Variants in DCP2 observed in about 807,000 individuals in gnomAD.
DCP2 encodes the protein decapping mRNA 2, also known as m7GpppN-mRNA hydrolase.
A neutral mutation model predicts 56.1 loss-of-function variants in DCP2; 30 were observed. The ratio of observed to expected loss-of-function variants is 0.53; its 90% CI spans 0.40 to 0.73. DCP2 has a LOEUF of 0.73. Among genes scored for constraint, DCP2 ranks in the 30% least tolerant of loss-of-function variants. DCP2 has a pLI of 0.00. For missense variants in DCP2, 533 were observed against 502.7 expected, an observed-to-expected ratio of 1.06 and a Z score of -0.58; for synonymous variants, 197 against 163.3, an observed-to-expected ratio of 1.21 and a Z score of -1.57.
intron 2 of DCP2, among the ~76,000 whole-genome samples, chr5:112,989,804 A>G (rs115109985): frequency 6.6e-6 from 1 of 152,208 alleles, no homozygotes; most frequent in South Asian, 2.1e-4. Flanking sequence ...GGGGAAGGCA[A>G]GATTGGATTC....
Position 113,003,894 on chromosome 5 carries a change from T to TA in DCP2, c.807-47dup, listed in dbSNP as rs758286374. 7 of 1,603,648 alleles carry TA rather than the reference T, an allele frequency of 4.4e-6. No individual in the cohort carries two copies. In the Admixed American group the frequency reaches 1.2e-4, roughly 27 times the overall value. ...TTAACTATTAAGGTGTTAAAAGAAC[T>TA]ATAAGTGAACATTTTCTGATTTGAT... On this transcript the variant is annotated intron_variant, in intron 7 of 10. Transcript: ENST00000389063.
rs1370709776 is a variant in DCP2, at chr5:113,015,864, T to C, written c.*2380T>C. ...ACTGGATTTCTCCTTTGAGAAATTTTAGTATGGTTTGAGGAAATCAAGTGA... is the reference window on the plus strand; with the variant it reads ...ACTGGATTTCTCCTTTGAGAAATTTCAGTATGGTTTGAGGAAATCAAGTGA... On this transcript the variant is annotated 3_prime_UTR_variant, in exon 11 of 11. Coordinates refer to ENST00000389063, the MANE Select transcript of DCP2 (RefSeq NM_152624.6). 6.6e-6 allele frequency: 1 copy of C among 152,666 alleles called. No homozygotes were observed. Among genetic ancestry groups the C allele is most frequent in the Non-Finnish European group, 1.5e-5 (1 of 68,030 alleles). 9.5% of individuals were successfully genotyped at this position (152,666 alleles called of 1,614,324 possible). A position where few individuals can be genotyped will look rare whatever the true frequency, so the allele number is the denominator to read the frequency against.
intron 2 of DCP2, among the ~76,000 whole-genome samples, chr5:112,991,868 A>C (rs1353318646): frequency 6.6e-6 from 1 of 152,198 alleles, no homozygotes; most frequent in Non-Finnish European, 1.5e-5. Context: ...TAGGCTACAA[A>C]TGAAAAAGTT....
Position 113,013,847 on chromosome 5 carries a change from G to A in DCP2, c.*363G>A. The stretch of plus-strand genomic sequence containing the variant: ...GCTCCATCTACCTGTTACAGTGATT[G>A]CAATAATAGTATATTGGAGTTTTTC... On this transcript the variant is annotated 3_prime_UTR_variant, in exon 11 of 11. Transcript: ENST00000389063. 1.2e-5 allele frequency: 2 copies of A among 169,834 alleles called. No individual in the cohort carries two copies. Among genetic ancestry groups the A allele is most frequent in the Non-Finnish European group, 2.5e-5 (2 of 79,662 alleles). 10.5% of individuals were successfully genotyped at this position (169,834 alleles called of 1,614,324 possible).
intron 1 of DCP2, among the ~76,000 whole-genome samples, chr5:112,981,501 ATT>A (rs973598734): frequency 6.6e-6 from 1 of 152,072 alleles, no homozygotes; most frequent in Non-Finnish European, 1.5e-5. Context: ...CGTCTGTTAT[ATT>A]TTGTGCTATT....
intron 10 of DCP2, among the ~76,000 whole-genome samples, chr5:113,011,763 TA>T (rs1219932630): frequency 6.6e-6 from 1 of 152,212 alleles, no homozygotes; most frequent in Non-Finnish European, 1.5e-5. Context: ...TTTGCGGTCA[TA>T]TCCAAAAAAA....
chr5:113,011,783 T>C (rs1749689585), intron 10 of DCP2, among the ~76,000 whole-genome samples: 1 of 152,216 alleles, frequency 6.6e-6, no homozygotes, highest in Non-Finnish European at 1.5e-5. Context: ...AAAGTCATTG[T>C]GAAGATGGGC....
rs1749964391 is a variant in DCP2, at chr5:113,018,111, C to T, written c.*4627C>T. 1 of 152,192 alleles carries T rather than the reference C, an allele frequency of 6.6e-6. No homozygotes were observed. The highest frequency in any genetic ancestry group is 1.5e-5 in the Non-Finnish European group (1 of 68,042). 9.4% of individuals were successfully genotyped at this position (152,192 alleles called of 1,614,324 possible). A position where few individuals can be genotyped will look rare whatever the true frequency, so the allele number is the denominator to read the frequency against. ...ACATCACAGTGGTTATACATTTGTC[C>T]TGAATGGTGATTCATTCCTTTCCAT... is the stretch of plus-strand genomic sequence containing the variant. On this transcript the variant is annotated 3_prime_UTR_variant, in exon 11 of 11. Transcript: ENST00000389063.
In DCP2 at chr5:113,019,142, G is replaced by A. The variant is rs1750007089; in HGVS notation, c.*5658G>A. 1 of 152,180 alleles carries A rather than the reference G, an allele frequency of 6.6e-6. No individual in the cohort carries two copies. The highest frequency in any genetic ancestry group is 1.5e-5 in the Non-Finnish European group (1 of 68,032). The allele number at this position is 152,180 out of a possible 1,614,324, so 9.4% of individuals were successfully genotyped here. A position where few individuals can be genotyped will look rare whatever the true frequency, so the allele number is the denominator to read the frequency against. The stretch of plus-strand genomic sequence containing the variant: ...TCATTGAATCTGAGGTTCTAAATCT[G>A]TAGCTTCATTTTGAGCACAAGTCTG... On this transcript the variant is annotated 3_prime_UTR_variant, in exon 11 of 11. Transcript: ENST00000389063.
At chr5:113,003,372 A>T (rs1749270125) in intron 7 of DCP2, among the ~76,000 whole-genome samples, 1 of 152,260 alleles carries the variant, frequency 6.6e-6, no homozygotes, top group Admixed American at 6.5e-5. Context: ...TTACTTTCTC[A>T]GATCATCTTT....
chr5:113,005,865 G>T (rs891617319), intron 8 of DCP2, among the ~76,000 whole-genome samples: 11 of 152,178 alleles, frequency 7.2e-5, no homozygotes, highest in African/African-American at 2.7e-4. Flanking sequence ...AGGCATGGGG[G>T]CTCATACCTG....
At position 113,008,058 on chromosome 5, in the gene DCP2, GTCACAC is replaced by G; in HGVS notation, c.1047+18_1047+23del. ...TTCTTTGATGGTAAGAGTTATAGCT[GTCACAC>G]TAAGTAGGCAGTTCATCCTCTGAAG... is the stretch of plus-strand genomic sequence containing the variant. On this transcript the variant is annotated intron_variant, in intron 9 of 10. Coordinates refer to ENST00000389063, the MANE Select transcript of DCP2 (RefSeq NM_152624.6). The G allele has an allele frequency of 6.3e-7, 1 of 1,596,758 alleles. No homozygotes were observed. The highest frequency in any genetic ancestry group is 8.6e-7 in the Non-Finnish European group (1 of 1,165,388).
At position 112,996,436 on chromosome 5, in the gene DCP2, C is replaced by A. The variant is rs953941579; in HGVS notation, c.432+3666C>A. ...TTTTTTCTTGCATTTAAGTTACATA[C>A]ATTTAAGTTCTACCATGGGTGCTTA... On this transcript the variant is annotated intron_variant, in intron 4 of 10. Transcript: ENST00000389063. Among the ~76,000 whole-genome samples the A allele has an allele frequency of 8.5e-5, 13 of 152,110 alleles. 1 individual carries two copies. Among genetic ancestry groups the A allele is most frequent in the African/African-American group, 3.1e-4 (13 of 41,414 alleles).
At chr5:112,997,545 T>C (rs1748918496) in intron 4 of DCP2, among the ~76,000 whole-genome samples, 1 of 152,166 alleles carries the variant, frequency 6.6e-6, no homozygotes, top group Non-Finnish European at 1.5e-5. Flanking sequence ...AGGATGAAGA[T>C]TATAGACAGG....
intron 1 of DCP2, chr5:112,984,524 C>T (rs965324700): frequency 2.6e-5 from 4 of 151,588 alleles, no homozygotes; most frequent in South Asian, 4.2e-4. Context: ...CTTCCAGATA[C>T]GTAAATTTAC....
rs1230668914 is a variant in DCP2 at position 113,015,799 on chromosome 5, T to C, written c.*2315T>C. On this transcript the variant is annotated 3_prime_UTR_variant, in exon 11 of 11. Transcript: ENST00000389063. ...TCTCTCAAACCTGGGTAATAGTTTCTCAGTGTTCAGGTTACCTTGAGAAAG... is the reference window on the plus strand; with the variant it reads ...TCTCTCAAACCTGGGTAATAGTTTCCCAGTGTTCAGGTTACCTTGAGAAAG... 2 of 152,684 alleles carry C rather than the reference T, an allele frequency of 1.3e-5. No homozygotes were observed. Among genetic ancestry groups the C allele is most frequent in the African/African-American group, 4.8e-5 (2 of 41,474 alleles). 9.5% of individuals were successfully genotyped at this position (152,684 alleles called of 1,614,324 possible).
chr5:113,001,116 C>G lies in DCP2; in HGVS notation c.465C>G (p.Asp155Glu), dbSNP rs1318819414. The change falls in exon 5 of 11, where the codon GAC (aspartate) becomes GAG (glutamate). Residue 155 changes from aspartate (D) to glutamate (E), a missense_variant. Transcript: ENST00000389063. ...AAGAAACTGGTTTTGATATCAAAGA[C>G]TATATTTGTAAGGATGATTACATTG... Reference protein sequence around the residue: ...VFEETGFDIKDYICKDDYIEL... With the variant: ...VFEETGFDIKEYICKDDYIEL... 4 of 1,611,430 alleles carry G rather than the reference C, an allele frequency of 2.5e-6. No homozygotes were observed. Among genetic ancestry groups the G allele is most frequent in the Non-Finnish European group, 3.4e-6 (4 of 1,179,134 alleles).
intron 4 of DCP2, among the ~76,000 whole-genome samples, chr5:112,995,196 C>G (rs1310273065): frequency 6.6e-6 from 1 of 152,180 alleles, no homozygotes; most frequent in Non-Finnish European, 1.5e-5. Flanking sequence ...ATAGACAAAG[C>G]TGTTGTGTAT....
intron 1 of DCP2, among the ~76,000 whole-genome samples, chr5:112,978,264 C>T (rs1747819779): frequency 6.6e-6 from 1 of 152,150 alleles, no homozygotes; most frequent in Non-Finnish European, 1.5e-5. Context: ...CGTGAGCCAT[C>T]GCGCCCGGCC....
Sources: gnomAD v4.1 joint callset for allele counts (sites outside exome capture counted in the v4.1 genomes callset) on GRCh38, gnomAD v4.1.1 for gene constraint, MANE v1.5 for transcripts, NCBI Gene and HGNC (gene_info 2026-07-23, HGNC 2026-07-21) for gene names.